The following CYP4F22 variants were observed in gnomAD, a reference collection of about 807,000 sequenced individuals.
CYP4F22 encodes cytochrome P450 family 4 subfamily F member 22.
A neutral mutation model predicts 60.4 loss-of-function variants in CYP4F22; 37 were observed. That is an observed-to-expected ratio of 0.61 (90% confidence interval 0.47 to 0.81). The LOEUF is 0.81. Ranked by LOEUF, CYP4F22 falls within the 30% of genes least tolerant of loss-of-function variation. The pLI, the probability that CYP4F22 is intolerant of heterozygous loss-of-function variation, is 0.00. For missense variants in CYP4F22, 655 were observed against 715.0 expected (o/e 0.92, Z 0.96); for synonymous variants, 258 against 280.5 (o/e 0.92, Z 0.80).
At chr19:15,515,883 C>T (rs1001942088) in intron 1 of CYP4F22, among the ~76,000 whole-genome samples, 1 of 151,942 alleles carries the variant, frequency 6.6e-6, no homozygotes, top group East Asian at 2.0e-4. Flanking sequence ...GCCACCACGT[C>T]CGGCTAATTT....
rs148454445 is a variant in CYP4F22, at chr19:15,537,652, A to G, written c.539A>G (p.Asp180Gly). The G allele has an allele frequency of 2.5e-5, 41 of 1,612,980 alleles. No individual in the cohort carries two copies. In the African/African-American group the frequency reaches 4.5e-4, roughly 18 times the overall value. Residue 180 changes from aspartate to glycine, a missense_variant, in exon 6 of 14, where the codon GAC becomes GGC. Physicochemically the swap from Asp to Gly is moderately conservative, Grantham distance 94. This residue lies in a region of CYP4F22 where 430 missense variants were observed against 457.1 expected (regional missense o/e 0.94). Coordinates refer to ENST00000269703, the MANE Select transcript of CYP4F22 (RefSeq NM_173483.4). ...ATGAAGATCTTCAACCAGAGCGCTG[A>G]CATTATGCATGTGAGTCCTAAGGCT... ...PYMKIFNQSA[D>G]IMHAKWRHLA...
In CYP4F22 at chr19:15,529,801, G is replaced by A. The variant is rs145640942; in HGVS notation, c.315G>A (p.Pro105=). 1.6e-4 allele frequency: 258 copies of A among 1,614,152 alleles called. No homozygotes were observed. Among genetic ancestry groups the A allele is most frequent in the African/African-American group, 1.4e-3 (105 of 75,024 alleles). The change falls in exon 4 of 14, where the codon CCG becomes CCA. Residue 105 remains proline, a synonymous_variant. Coordinates refer to ENST00000269703, the MANE Select transcript of CYP4F22 (RefSeq NM_173483.4). ...TGGTATGGATGGGACCTGTCCTGCCGCTGTTGGTTCTGGTGCACCCTGATT... is the reference window on the plus strand; with the variant it reads ...TGGTATGGATGGGACCTGTCCTGCCACTGTTGGTTCTGGTGCACCCTGATT... ...VLLVWMGPVL[P]LLVLVHPDYI...
intron 12 of CYP4F22, 39 bp downstream of exon 12, chr19:15,549,241 C>A: frequency 6.2e-7 from 1 of 1,610,030 alleles, no homozygotes; most frequent in Non-Finnish European, 8.5e-7. Context: ...CTCAGGTCCT[C>A]CCCTCCCCTG....
At chr19:15,527,214 G>C (rs978590327) in intron 3 of CYP4F22, among the ~76,000 whole-genome samples, 4 of 152,032 alleles carry the variant, frequency 2.6e-5, no homozygotes. Flanking sequence ...CCTGGCCCCA[G>C]AGGGATTCTT....
intron 1 of CYP4F22, among the ~76,000 whole-genome samples, chr19:15,523,412 T>G (rs771591222): frequency 6.6e-6 from 1 of 152,024 alleles, no homozygotes. Flanking sequence ...ACTCACTCAC[T>G]CACTATCTGG....
rs1432460627 is a variant in CYP4F22, at chr19:15,508,553, C to G, written c.-139C>G. On this transcript the variant is annotated 5_prime_UTR_variant, in exon 1 of 14. Transcript: ENST00000269703. ...TCCCAGGTAGTGGCGCCGGTGGATC[C>G]GGATCGAGGGCAGGAGGCTGAGACC... 6.6e-6 allele frequency: 1 copy of G among 152,480 alleles called. No individual in the cohort carries two copies. 9.4% of individuals were successfully genotyped at this position (152,480 alleles called of 1,614,324 possible).
chr19:15,509,151 G>A (rs913633077), intron 1 of CYP4F22, among the ~76,000 whole-genome samples: 1 of 152,174 alleles, frequency 6.6e-6, no homozygotes, highest in Non-Finnish European at 1.5e-5. Context: ...CTGGCCCCGA[G>A]AGTTGGCTCT....
In CYP4F22 at chr19:15,531,873, G is replaced by A. The variant is rs531535261; in HGVS notation, c.367+2020G>A. ...CAGTCTCAGCACTTTGGGAGGCCAC[G>A]GCAGGAGGATCACTTGAGCCCAGGA... On this transcript the variant is annotated intron_variant, in intron 4 of 13. Transcript: ENST00000269703. Among the ~76,000 whole-genome samples the A allele has an allele frequency of 5.3e-5, 8 of 152,228 alleles. No individual in the cohort carries two copies. The South Asian group carries it at 1.2e-3, about 24-fold the overall frequency.
intron 1 of CYP4F22, among the ~76,000 whole-genome samples, chr19:15,509,006 C>T (rs1971052796): frequency 6.6e-6 from 1 of 152,012 alleles, no homozygotes; most frequent in Non-Finnish European, 1.5e-5. Context: ...GAGATTTCAC[C>T]ACTGCACGTT....
intron 4 of CYP4F22, among the ~76,000 whole-genome samples, chr19:15,532,445 G>C (rs955066705): frequency 6.6e-6 from 1 of 151,506 alleles, no homozygotes; most frequent in Admixed American, 6.6e-5. Flanking sequence ...CATGATCTCA[G>C]CTCACTGCAA....
chr19:15,527,951 C>T (rs540173189), intron 3 of CYP4F22, among the ~76,000 whole-genome samples: 3 of 152,180 alleles, frequency 2.0e-5, no homozygotes, highest in African/African-American at 7.2e-5. Flanking sequence ...ATTTTTCTGA[C>T]GTTGAGCCTG....
intron 3 of CYP4F22, 118 bp from the exon 4 acceptor site, chr19:15,529,582 CAACTGCCTG>C (rs1971319462): frequency 7.5e-7 from 1 of 1,337,966 alleles, no homozygotes. Flanking sequence ...GAGGTGCAGC[CAACTGCCTG>C]AAATCATAAT....
intron 1 of CYP4F22, among the ~76,000 whole-genome samples, chr19:15,512,517 G>T (rs1971104048): frequency 6.6e-6 from 1 of 152,004 alleles, no homozygotes; most frequent in Non-Finnish European, 1.5e-5. Flanking sequence ...TGTTGCCCAG[G>T]TTGGTCTTAA....
In CYP4F22 at chr19:15,508,733, C is replaced by T. The variant is rs1369837533; in HGVS notation, c.-109+150C>T. The T allele has an allele frequency of 4.6e-5, 7 of 152,440 alleles. No homozygotes were observed. In the South Asian group the frequency reaches 1.4e-3, roughly 32 times the overall value. 9.4% of individuals were successfully genotyped at this position (152,440 alleles called of 1,614,324 possible). On this transcript the variant is annotated intron_variant, in intron 1 of 13. Transcript: ENST00000269703. ...GCGCAGCCGGCCACGGGGACCCCCCCAGGACCCAGGACGGGGCTGCATGCC... is the reference window on the plus strand; with the variant it reads ...GCGCAGCCGGCCACGGGGACCCCCCTAGGACCCAGGACGGGGCTGCATGCC...
chr19:15,550,992 T>C (rs952263082), intron 13 of CYP4F22, among the ~76,000 whole-genome samples: 3 of 152,122 alleles, frequency 2.0e-5, no homozygotes, highest in Non-Finnish European at 4.4e-5. Context: ...CACGCTCCCA[T>C]TGGCTCTATG....
intron 4 of CYP4F22, among the ~76,000 whole-genome samples, chr19:15,531,063 A>G (rs1344278705): frequency 3.3e-5 from 5 of 152,064 alleles, no homozygotes; most frequent in Admixed American, 1.3e-4. Flanking sequence ...GCAACACAGC[A>G]AGACCCTGTC....
intron 1 of CYP4F22, among the ~76,000 whole-genome samples, chr19:15,510,966 A>ATATATATATTTTT (rs34055543): frequency 1.1e-4 from 11 of 103,300 alleles, no homozygotes; most frequent in South Asian, 6.7e-4. Context: ...ATATATATAT[A>ATATATATATTTTT]TTTTTTTTTT....
intron 4 of CYP4F22, among the ~76,000 whole-genome samples, chr19:15,534,022 C>T (rs930988793): frequency 2.6e-5 from 4 of 152,134 alleles, no homozygotes; most frequent in African/African-American, 9.7e-5. Flanking sequence ...TAAGGAGCCA[C>T]CTTGCTGTTT....
At chr19:15,537,683 G>A in intron 6 of CYP4F22, 21 bp downstream of exon 6, 2 of 1,609,936 alleles carry the variant, frequency 1.2e-6, no homozygotes. Flanking sequence ...AGGCTTTGAG[G>A]GAAGAGGGTG....
Sources: allele counts gnomAD v4.1 joint callset (sites outside exome capture counted in the v4.1 genomes callset), GRCh38; gene constraint gnomAD v4.1.1; regional missense constraint gnomAD v4.1.1; transcripts MANE v1.5; gene names NCBI Gene and HGNC (gene_info 2026-07-23, HGNC 2026-07-21).